Variants in CSMD3 observed in about 807,000 individuals in gnomAD.
CSMD3 encodes the protein CUB and Sushi multiple domains 3.
CSMD3 carries 177 observed loss-of-function variants against 435.2 expected under a neutral mutation model. The ratio of observed to expected loss-of-function variants is 0.41; its 90% CI spans 0.36 to 0.46. CSMD3 has a LOEUF of 0.46. CSMD3 is among the 20% of genes least tolerant of loss of function. The pLI, the probability that CSMD3 is intolerant of heterozygous loss-of-function variation, is 0.34. For missense variants in CSMD3, 4,265 were observed against 4,504.6 expected, an observed-to-expected ratio of 0.95 and a Z score of 1.52; for synonymous variants, 1,656 against 1,520.5, an observed-to-expected ratio of 1.09 and a Z score of -2.07.
chr8:112,228,624 G>A (rs1462091707), intron 70 of CSMD3, 132 bp downstream of exon 70: 1 of 906,158 alleles, frequency 1.1e-6, no homozygotes, highest in Non-Finnish European at 1.7e-6. Flanking sequence ...CAGTGTCTAT[G>A]ACAATAGTTA....
intron 3 of CSMD3, among the ~76,000 whole-genome samples, chr8:113,179,451 GT>G (rs1346430444): frequency 6.6e-6 from 1 of 151,640 alleles, no homozygotes; most frequent in Non-Finnish European, 1.5e-5. Flanking sequence ...TAGTAATTTA[GT>G]CAAGGGTAAA....
At chr8:112,648,508 A>G (rs1007803165) in intron 19 of CSMD3, among the ~76,000 whole-genome samples, 6 of 152,188 alleles carry the variant, frequency 3.9e-5, no homozygotes, top group Non-Finnish European at 7.3e-5. Flanking sequence ...GGTTAAGGAC[A>G]TTGAATTCCA....
At chr8:113,290,105 T>G (rs1284606001) in intron 2 of CSMD3, among the ~76,000 whole-genome samples, 4 of 151,772 alleles carry the variant, frequency 2.6e-5, no homozygotes, top group African/African-American at 9.7e-5. Context: ...ATATGTTCCA[T>G]GGTAAGGATG....
chr8:112,234,550 C>T, intron 67 of CSMD3, 73 bp from the exon 68 acceptor site: 3 of 848,372 alleles, frequency 3.5e-6, no homozygotes, highest in South Asian at 2.7e-5. Context: ...ATCTATCATT[C>T]CTTAAATAGA....
At chr8:113,375,101 C>T (rs1302107094) in intron 1 of CSMD3, among the ~76,000 whole-genome samples, 2 of 152,044 alleles carry the variant, frequency 1.3e-5, no homozygotes, top group East Asian at 1.9e-4. Context: ...TATGGCTTTT[C>T]CTCACCTACA....
chr8:112,888,832 C>T (rs994060910), intron 10 of CSMD3, among the ~76,000 whole-genome samples: 2 of 151,570 alleles, frequency 1.3e-5, no homozygotes, highest in African/African-American at 4.8e-5. Context: ...CAGAAGTCTA[C>T]AGAGGCATGA....
intron 31 of CSMD3, among the ~76,000 whole-genome samples, chr8:112,491,415 A>G (rs1206283076): frequency 6.6e-6 from 1 of 152,048 alleles, no homozygotes; most frequent in Non-Finnish European, 1.5e-5. Flanking sequence ...AGCACTTTAG[A>G]AAGTGGAGGT....
intron 1 of CSMD3, among the ~76,000 whole-genome samples, chr8:113,316,126 A>G (rs1440790019): frequency 6.6e-6 from 1 of 152,186 alleles, no homozygotes; most frequent in Non-Finnish European, 1.5e-5. Flanking sequence ...ACATGCTAAT[A>G]AAACTTGCAT....
intron 48 of CSMD3, 40 bp downstream of exon 48, chr8:112,314,389 C>T: frequency 7.3e-7 from 1 of 1,361,260 alleles, no homozygotes. Flanking sequence ...AACATTTGTA[C>T]TTAATTGATG....
chr8:112,601,689 A>G (rs1438666456), intron 22 of CSMD3, among the ~76,000 whole-genome samples: 2 of 152,152 alleles, frequency 1.3e-5, no homozygotes, highest in African/African-American at 2.4e-5. Context: ...AGACAGATTC[A>G]GGGGAAAGAA....
chr8:112,685,832 T>C, intron 14 of CSMD3, 100 bp from the exon 15 acceptor site: 1 of 776,470 alleles, frequency 1.3e-6, no homozygotes, highest in East Asian at 2.7e-5. Flanking sequence ...ATTAGCAGTA[T>C]AAGATAATAT....
At chr8:112,878,818 CAGA>C (rs1280079183) in intron 10 of CSMD3, among the ~76,000 whole-genome samples, 2 of 152,174 alleles carry the variant, frequency 1.3e-5, no homozygotes, top group African/African-American at 4.8e-5. Flanking sequence ...GAAGGCATGG[CAGA>C]AGAACAGAAA....
At chr8:112,565,518 T>C (rs1172999389) in intron 24 of CSMD3, among the ~76,000 whole-genome samples, 2 of 152,102 alleles carry the variant, frequency 1.3e-5, no homozygotes, top group Non-Finnish European at 2.9e-5. Context: ...GAAATGGCCA[T>C]GCTCCATGTA....
At chr8:112,540,135 C>T (rs1342470561) in intron 27 of CSMD3, among the ~76,000 whole-genome samples, 2 of 151,890 alleles carry the variant, frequency 1.3e-5, no homozygotes, top group Non-Finnish European at 2.9e-5. Context: ...TTTGAATAGG[C>T]ATTTTTCAAA....
intron 3 of CSMD3, among the ~76,000 whole-genome samples, chr8:113,231,614 A>G (rs2093088204): frequency 6.6e-6 from 1 of 151,520 alleles, no homozygotes; most frequent in South Asian, 2.1e-4. Flanking sequence ...TCTTCATTCA[A>G]CTAATATTTA....
At chr8:112,567,710 A>T (rs1285612780) in intron 24 of CSMD3, among the ~76,000 whole-genome samples, 1 of 152,050 alleles carries the variant, frequency 6.6e-6, no homozygotes, top group Non-Finnish European at 1.5e-5. Flanking sequence ...GGGCAGAATA[A>T]CCTACTGGGT....
At chr8:113,068,341 C>A (rs2088953031) in intron 5 of CSMD3, among the ~76,000 whole-genome samples, 1 of 152,026 alleles carries the variant, frequency 6.6e-6, no homozygotes, top group Admixed American at 6.6e-5. Flanking sequence ...ACCTTATATT[C>A]CAATGAGATG....
At chr8:112,845,042 C>G (rs1443023298) in intron 11 of CSMD3, among the ~76,000 whole-genome samples, 2 of 151,884 alleles carry the variant, frequency 1.3e-5, no homozygotes, top group Non-Finnish European at 2.9e-5. Flanking sequence ...GGAAAAAATA[C>G]AAACAAAAAT....
At chr8:113,111,048 A>T (rs989031981) in intron 4 of CSMD3, among the ~76,000 whole-genome samples, 4 of 152,166 alleles carry the variant, frequency 2.6e-5, no homozygotes, top group African/African-American at 9.7e-5. Flanking sequence ...CCTCCCAAAA[A>T]GTCCAACCTC....
Sources: allele counts gnomAD v4.1 joint callset (sites outside exome capture counted in the v4.1 genomes callset), GRCh38; gene constraint gnomAD v4.1.1; transcripts MANE v1.5; gene names NCBI Gene and HGNC (gene_info 2026-07-23, HGNC 2026-07-21).